PDGFC: variants seen among roughly 807,000 people sequenced by gnomAD.
The protein encoded by PDGFC is platelet-derived growth factor C.
A neutral mutation model predicts 35.5 loss-of-function variants in PDGFC; 12 were observed. The observed-to-expected ratio is 0.34, with a 90% CI of 0.22 to 0.55. The LOEUF is 0.55. Ranked by LOEUF, PDGFC falls within the 20% of genes least tolerant of loss-of-function variation. The probability of loss-of-function intolerance (pLI) is 0.91; values close to 1 mark genes in which losing one functional copy is unlikely to be tolerated. For missense variants in PDGFC, 322 were observed against 412.4 expected, an observed-to-expected ratio of 0.78 and a Z score of 1.90; for synonymous variants, 159 against 148.8, an observed-to-expected ratio of 1.07 and a Z score of -0.50.
At chr4:156,903,113 G>GTGTGTGTGTGTA (rs1372130610) in intron 1 of PDGFC, among the ~76,000 whole-genome samples, 93 of 139,674 alleles carry the variant, frequency 6.7e-4, no homozygotes, top group African/African-American at 2.3e-3. Flanking sequence ...GAGTGTGTGT[G>GTGTGTGTGTGTA]TGTGTGTGTG....
At chr4:156,809,624 T>C (rs1245871917) in intron 3 of PDGFC, among the ~76,000 whole-genome samples, 1 of 151,944 alleles carries the variant, frequency 6.6e-6, no homozygotes, top group African/African-American at 2.4e-5. Context: ...TACATACATA[T>C]AGTATGCTTT....
At chr4:156,799,097 G>A (rs1224377051) in intron 3 of PDGFC, among the ~76,000 whole-genome samples, 1 of 149,410 alleles carries the variant, frequency 6.7e-6, no homozygotes, top group African/African-American at 2.6e-5. Context: ...GCTTTCTTAA[G>A]CAATCTGCCT....
intron 3 of PDGFC, chr4:156,778,176 TAACAA>T (rs142600617): frequency 8.7e-4 from 337 of 386,138 alleles, no homozygotes; most frequent in African/African-American, 6.6e-3. Context: ...TGAGCACTAT[TAACAA>T]AACAAGAGAA....
intron 3 of PDGFC, chr4:156,779,186 C>A (rs1018524527): frequency 6.6e-6 from 3 of 456,028 alleles, no homozygotes; most frequent in Non-Finnish European, 1.3e-5. Context: ...TGTCCTGAAA[C>A]AATTCATTTA....
At chr4:156,767,006 G>A (rs1028748725) in intron 5 of PDGFC, among the ~76,000 whole-genome samples, 4 of 152,040 alleles carry the variant, frequency 2.6e-5, no homozygotes, top group Non-Finnish European at 4.4e-5. Context: ...GATGTCAGAA[G>A]GGCAGATTTT....
rs1195704145 is a variant in PDGFC at position 156,765,986 on chromosome 4, C to G, written c.921+1787G>C. Among the ~76,000 whole-genome samples, 4 of 152,026 alleles carry G rather than the reference C, an allele frequency of 2.6e-5. No homozygotes were observed. The East Asian group carries it at 7.7e-4, about 29-fold the overall frequency. On this transcript the variant is annotated intron_variant, in intron 5 of 5. Transcript: ENST00000502773. ...ACCTTATAGATGAGGAATTTAGGCA[C>G]GAGGGCTAAGCAATTTGCTCAAAGT...
chr4:156,961,162 A>G (rs866118925), intron 1 of PDGFC, among the ~76,000 whole-genome samples: 1 of 152,156 alleles, frequency 6.6e-6, no homozygotes, highest in African/African-American at 2.4e-5. Flanking sequence ...CTCAATTTGC[A>G]TTTCTAATCA....
At position 156,850,393 on chromosome 4, in the gene PDGFC, T is replaced by C; in HGVS notation, c.142A>G (p.Arg48Gly). ...CCATTAGTAGACACAGTAATAATTC[T>C]CTCATGCTGAGGATCTTGTACTCCT... is the stretch of plus-strand genomic sequence containing the variant. The part of the protein sequence containing the change: ...QNGVQDPQHE[R>G]IITVSTNGSI... Residue 48 changes from arginine (R) to glycine (G), a missense_variant, in exon 2 of 6, where the codon AGA becomes GGA. Coordinates refer to ENST00000502773, the MANE Select transcript of PDGFC (RefSeq NM_016205.3). 1 of 1,594,750 alleles carries C rather than the reference T, an allele frequency of 6.3e-7. No individual in the cohort carries two copies. The highest frequency in any genetic ancestry group is 8.5e-7 in the Non-Finnish European group (1 of 1,170,088).
At chr4:156,821,842 C>A (rs1285658841) in intron 2 of PDGFC, among the ~76,000 whole-genome samples, 3 of 152,060 alleles carry the variant, frequency 2.0e-5, no homozygotes, top group Non-Finnish European at 4.4e-5. Context: ...AGCCACCGTG[C>A]CTGGCTGCCA....
intron 1 of PDGFC, among the ~76,000 whole-genome samples, chr4:156,964,518 A>G (rs1156291225): frequency 1.3e-5 from 2 of 151,014 alleles, no homozygotes; most frequent in Non-Finnish European, 2.9e-5. Flanking sequence ...GACTAATGTG[A>G]TTATTATGAG....
intron 3 of PDGFC, among the ~76,000 whole-genome samples, chr4:156,808,660 G>T (rs1284299127): frequency 6.6e-6 from 1 of 151,870 alleles, no homozygotes; most frequent in East Asian, 1.9e-4. Context: ...GGTGGAGGGG[G>T]TGCATGGAGG....
intron 1 of PDGFC, among the ~76,000 whole-genome samples, chr4:156,929,920 C>G (rs564705871): frequency 6.6e-6 from 1 of 151,900 alleles, no homozygotes; most frequent in South Asian, 2.1e-4. Context: ...AAGGCCCACA[C>G]AAGTAGAAAT....
At chr4:156,964,392 A>G in intron 1 of PDGFC, among the ~76,000 whole-genome samples, 1 of 148,916 alleles carries the variant, frequency 6.7e-6, no homozygotes, top group African/African-American at 2.4e-5. Flanking sequence ...TTATCACTAT[A>G]TATATATATA....
chr4:156,806,206 G>A (rs1422512546), intron 3 of PDGFC, among the ~76,000 whole-genome samples: 1 of 151,944 alleles, frequency 6.6e-6, no homozygotes, highest in Non-Finnish European at 1.5e-5. Context: ...GGAAGATGAA[G>A]TTCACTGAAG....
chr4:156,932,467 T>G (rs945842681), intron 1 of PDGFC, among the ~76,000 whole-genome samples: 3 of 152,078 alleles, frequency 2.0e-5, no homozygotes, highest in African/African-American at 7.2e-5. Flanking sequence ...TGTGGCACTA[T>G]TCACAATAGC....
At chr4:156,882,418 A>G (rs1730265816) in intron 1 of PDGFC, among the ~76,000 whole-genome samples, 1 of 152,238 alleles carries the variant, frequency 6.6e-6, no homozygotes, top group African/African-American at 2.4e-5. Flanking sequence ...TTATGTGAAG[A>G]AAAAGTACAA....
At chr4:156,768,065 T>C in intron 4 of PDGFC, 75 bp from the exon 5 acceptor site, 2 of 856,768 alleles carry the variant, frequency 2.3e-6, no homozygotes, top group Non-Finnish European at 1.9e-6. Flanking sequence ...TTAAGCTCTT[T>C]TCATAAAGAA....
chr4:156,768,439 G>A (rs868594412), intron 4 of PDGFC, among the ~76,000 whole-genome samples: 10 of 151,964 alleles, frequency 6.6e-5, no homozygotes, highest in South Asian at 2.1e-4. Context: ...AATTAGTGAA[G>A]AACAATTTAT....
intron 1 of PDGFC, among the ~76,000 whole-genome samples, chr4:156,922,288 A>G (rs1464026062): frequency 6.6e-6 from 1 of 152,108 alleles, no homozygotes; most frequent in East Asian, 1.9e-4. Flanking sequence ...ATTGGGAAGG[A>G]CAGAATCTTT....
Sources: allele counts gnomAD v4.1 joint callset (sites outside exome capture counted in the v4.1 genomes callset), GRCh38; gene constraint gnomAD v4.1.1; transcripts MANE v1.5; gene names NCBI Gene and HGNC (gene_info 2026-07-23, HGNC 2026-07-21).